The following LSAMP variants were observed in gnomAD, a reference collection of about 807,000 sequenced individuals.
LSAMP encodes the protein limbic system-associated membrane protein.
Under a neutral mutation model 38.6 loss-of-function variants are expected in LSAMP, and 7 were observed. The observed-to-expected ratio is 0.18, with a 90% confidence interval of 0.10 to 0.34. LSAMP has a LOEUF of 0.34. Among genes scored for constraint, LSAMP ranks in the 10% least tolerant of loss-of-function variants. The pLI is 1.00. For missense variants in LSAMP, 313 were observed against 420.0 expected (o/e 0.75, Z 2.23); for synonymous variants, 154 against 166.8 (o/e 0.92, Z 0.59).
At chr3:116,034,909 A>G (rs1473236676) in intron 2 of LSAMP, among the ~76,000 whole-genome samples, 1 of 152,212 alleles carries the variant, frequency 6.6e-6, no homozygotes, top group Admixed American at 6.5e-5. Flanking sequence ...GTGTTACCAA[A>G]GAAACGTAAA....
intron 3 of LSAMP, among the ~76,000 whole-genome samples, chr3:115,882,181 A>G (rs1936340000): frequency 6.6e-6 from 1 of 152,032 alleles, no homozygotes; most frequent in Non-Finnish European, 1.5e-5. Context: ...TCTCCTGCTT[A>G]TAGGTTTTTC....
intron 1 of LSAMP, among the ~76,000 whole-genome samples, chr3:116,106,633 T>C (rs1309332779): frequency 2.6e-5 from 4 of 152,100 alleles, no homozygotes; most frequent in Non-Finnish European, 2.9e-5. Context: ...ATTTGACTAA[T>C]AAAGGCTGGT....
At chr3:116,179,609 A>C (rs773199735) in intron 1 of LSAMP, among the ~76,000 whole-genome samples, 3 of 152,130 alleles carry the variant, frequency 2.0e-5, no homozygotes, top group Non-Finnish European at 4.4e-5. Flanking sequence ...CATGTCTTAC[A>C]TGGCCGGAGC....
intron 1 of LSAMP, among the ~76,000 whole-genome samples, chr3:116,266,695 T>C (rs75882120): frequency 0.035 from 5,334 of 151,950 alleles, 312 homozygotes; most frequent in African/African-American, 0.12. Flanking sequence ...TGGCATTTCA[T>C]GCAGAAACAG....
chr3:116,154,273 T>C (rs774412284), intron 1 of LSAMP, among the ~76,000 whole-genome samples: 2 of 152,176 alleles, frequency 1.3e-5, no homozygotes, highest in East Asian at 1.9e-4. Context: ...GATTTAATTA[T>C]GCTCATTATG....
chr3:115,981,876 A>C (rs1939370884), intron 3 of LSAMP, among the ~76,000 whole-genome samples: 1 of 152,206 alleles, frequency 6.6e-6, no homozygotes, highest in South Asian at 2.1e-4. Flanking sequence ...ATGTTCTCAC[A>C]AGAAAACCTT....
chr3:115,985,089 A>G (rs1939472510), intron 3 of LSAMP, among the ~76,000 whole-genome samples: 1 of 152,212 alleles, frequency 6.6e-6, no homozygotes, highest in Admixed American at 6.5e-5. Flanking sequence ...TTAGACTACT[A>G]TGCTCAAACA....
intron 1 of LSAMP, among the ~76,000 whole-genome samples, chr3:116,226,915 A>G (rs1159471640): frequency 2.0e-5 from 3 of 151,946 alleles, no homozygotes; most frequent in Non-Finnish European, 4.4e-5. Context: ...TTCTCCCTCC[A>G]CTTTGTAACA....
intron 1 of LSAMP, among the ~76,000 whole-genome samples, chr3:116,286,482 A>T (rs2047195897): frequency 6.6e-6 from 1 of 152,182 alleles, no homozygotes; most frequent in Non-Finnish European, 1.5e-5. Context: ...CACAGCTCTC[A>T]TAGCAATTCA....
intron 2 of LSAMP, among the ~76,000 whole-genome samples, chr3:116,048,619 C>G (rs1194121171): frequency 1.3e-5 from 2 of 152,076 alleles, no homozygotes; most frequent in African/African-American, 4.8e-5. Flanking sequence ...TTCACACTAC[C>G]CTAATGATAA....
chr3:115,914,026 C>A (rs184897276), intron 3 of LSAMP, among the ~76,000 whole-genome samples: 90 of 152,156 alleles, frequency 5.9e-4, no homozygotes, highest in African/African-American at 2.2e-3. Context: ...AGTCAAGATA[C>A]AGAAACCAAA....
chr3:116,134,364 A>T (rs1182702558), intron 1 of LSAMP, among the ~76,000 whole-genome samples: 1 of 151,266 alleles, frequency 6.6e-6, no homozygotes, highest in African/African-American at 2.4e-5. Context: ...GAATTACCTT[A>T]AAAAAAAAGA....
At chr3:116,112,458 A>T (rs1708637265) in intron 1 of LSAMP, among the ~76,000 whole-genome samples, 1 of 152,224 alleles carries the variant, frequency 6.6e-6, no homozygotes, top group Non-Finnish European at 1.5e-5. Flanking sequence ...GACTATGATA[A>T]TAAAACTAAT....
At chr3:115,986,917 G>A (rs1371929890) in intron 3 of LSAMP, among the ~76,000 whole-genome samples, 1 of 152,156 alleles carries the variant, frequency 6.6e-6, no homozygotes, top group Non-Finnish European at 1.5e-5. Flanking sequence ...ATGTGATGAA[G>A]AGGGGAGGAG....
intron 3 of LSAMP, among the ~76,000 whole-genome samples, chr3:115,947,636 A>AT (rs1200590050): frequency 6.6e-6 from 1 of 152,168 alleles, no homozygotes; most frequent in Admixed American, 6.5e-5. Flanking sequence ...AGATTATGAG[A>AT]TTTTTTATTT....
chr3:116,385,706 T>C (rs2048617755), intron 1 of LSAMP, among the ~76,000 whole-genome samples: 1 of 152,200 alleles, frequency 6.6e-6, no homozygotes, highest in African/African-American at 2.4e-5. Flanking sequence ...ATAGGTCTGC[T>C]TATTTTTAAA....
chr3:115,874,373 C>T (rs1936128488), intron 3 of LSAMP, among the ~76,000 whole-genome samples: 2 of 152,004 alleles, frequency 1.3e-5, no homozygotes, highest in Non-Finnish European at 2.9e-5. Context: ...ATTCTCAACC[C>T]CTAGGTTTTT....
At chr3:116,436,287 A>G (rs1206026134) in intron 1 of LSAMP, among the ~76,000 whole-genome samples, 1 of 152,218 alleles carries the variant, frequency 6.6e-6, no homozygotes, top group East Asian at 1.9e-4. Context: ...ACATTGGCTT[A>G]GGCAAGGATT....
At chr3:116,383,208 A>G (rs2048584350) in intron 1 of LSAMP, among the ~76,000 whole-genome samples, 1 of 152,124 alleles carries the variant, frequency 6.6e-6, no homozygotes, top group African/African-American at 2.4e-5. Flanking sequence ...TGCTATGTAT[A>G]ATACTTTGAA....
Sources: allele counts gnomAD v4.1 joint callset (sites outside exome capture counted in the v4.1 genomes callset), GRCh38; gene constraint gnomAD v4.1.1; transcripts MANE v1.5; gene names NCBI Gene and HGNC (gene_info 2026-07-23, HGNC 2026-07-21).